CPQ: variants seen among roughly 807,000 people sequenced by gnomAD.
CPQ encodes the protein Ser-Met dipeptidase.
Under a neutral mutation model 45.7 loss-of-function variants are expected in CPQ, and 37 were observed. The ratio of observed to expected loss-of-function variants is 0.81; its 90% CI spans 0.62 to 1.07. The LOEUF (loss-of-function observed/expected upper bound fraction) is 1.07. CPQ is among the 50% of genes least tolerant of loss of function. The pLI is 0.00. For missense variants in CPQ, 537 were observed against 572.9 expected, an observed-to-expected ratio of 0.94 and a Z score of 0.64; for synonymous variants, 186 against 205.8, an observed-to-expected ratio of 0.90 and a Z score of 0.82.
At chr8:96,814,103 G>A (rs1178835362) in intron 2 of CPQ, among the ~76,000 whole-genome samples, 1 of 151,586 alleles carries the variant, frequency 6.6e-6, no homozygotes, top group African/African-American at 2.4e-5. Flanking sequence ...ACGTATTTTG[G>A]GGGGCATTAT....
chr8:96,865,850 A>G (rs1459724391), intron 3 of CPQ, among the ~76,000 whole-genome samples: 3 of 152,070 alleles, frequency 2.0e-5, no homozygotes. Flanking sequence ...TATTCATGAA[A>G]TATTTATTAA....
intron 1 of CPQ, among the ~76,000 whole-genome samples, chr8:96,767,870 CT>C (rs1247671650): frequency 6.6e-6 from 1 of 151,934 alleles, no homozygotes; most frequent in African/African-American, 2.4e-5. Context: ...TCTCGAACCC[CT>C]AACCTCAGAT....
chr8:96,745,272 C>T (rs2130782085), intron 1 of CPQ, among the ~76,000 whole-genome samples: 1 of 152,156 alleles, frequency 6.6e-6, no homozygotes, highest in East Asian at 1.9e-4. Flanking sequence ...CACACCATTG[C>T]ACTCCAGCCT....
rs1563513660 is a variant in CPQ at position 96,854,541 on chromosome 8, A to AC, written c.641+19361_641+19362insC. On this transcript the variant is annotated intron_variant, in intron 3 of 7. Transcript: ENST00000220763. ...GCGAGACTCCGTCTCAAAAAAAAAA[A>AC]AAAAAAAAAAAAAAAAAATGTGGTG... Among the ~76,000 whole-genome samples, 9 of 107,404 alleles carry AC rather than the reference A, an allele frequency of 8.4e-5. 2 individuals are homozygous for AC. Among genetic ancestry groups the AC allele is most frequent in the Non-Finnish European group, 1.2e-4 (6 of 48,928 alleles). 70.5% of individuals were successfully genotyped at this position (107,404 alleles called of 152,430 possible).
intron 7 of CPQ, among the ~76,000 whole-genome samples, chr8:97,088,061 C>T (rs892323426): frequency 6.6e-6 from 1 of 152,080 alleles, no homozygotes; most frequent in African/African-American, 2.4e-5. Context: ...AGAGAATGGG[C>T]TTTTTCACCC....
At chr8:96,701,811 G>A (rs1226120055) in intron 1 of CPQ, among the ~76,000 whole-genome samples, 1 of 152,188 alleles carries the variant, frequency 6.6e-6, no homozygotes, top group African/African-American at 2.4e-5. Flanking sequence ...AGGCCTCAGT[G>A]TCTCTGTTCC....
At chr8:97,042,691 G>A (rs113768147) in intron 6 of CPQ, among the ~76,000 whole-genome samples, 2 of 151,254 alleles carry the variant, frequency 1.3e-5, no homozygotes, top group African/African-American at 4.9e-5. Context: ...TTGTGTCTTT[G>A]TTCTCGTTGG....
At chr8:97,073,431 G>A (rs1810788349) in intron 7 of CPQ, among the ~76,000 whole-genome samples, 1 of 152,156 alleles carries the variant, frequency 6.6e-6, no homozygotes, top group Non-Finnish European at 1.5e-5. Context: ...ATCCCCTGTT[G>A]TCCCTAATTT....
At chr8:97,044,845 T>C (rs1279898205) in intron 6 of CPQ, among the ~76,000 whole-genome samples, 1 of 152,196 alleles carries the variant, frequency 6.6e-6, no homozygotes, top group Non-Finnish European at 1.5e-5. Context: ...TCCTCTGGAA[T>C]TTTTGTCTCA....
rs1315300316 is a variant in CPQ at position 97,043,145 on chromosome 8, G to A, written c.1053+13651G>A. ...TAAGTCTCTTTGTAAGTCACTCAGG[G>A]CTTGCTTTATGAATCTGGGTGCTCC... On this transcript the variant is annotated intron_variant, in intron 6 of 7. Transcript: ENST00000220763. Among the ~76,000 whole-genome samples the A allele has an allele frequency of 5.3e-5, 8 of 152,232 alleles. 1 individual carries two copies. The highest frequency in any genetic ancestry group is 4.2e-4 in the South Asian group (2 of 4,818).
intron 4 of CPQ, among the ~76,000 whole-genome samples, chr8:96,886,216 C>T (rs977758583): frequency 2.0e-5 from 3 of 152,160 alleles, no homozygotes; most frequent in Non-Finnish European, 4.4e-5. Flanking sequence ...TGCATGAGTG[C>T]ACTTCACTGG....
At chr8:97,036,242 G>A (rs964856460) in intron 6 of CPQ, among the ~76,000 whole-genome samples, 3 of 152,142 alleles carry the variant, frequency 2.0e-5, no homozygotes, top group African/African-American at 7.2e-5. Context: ...AGGGGAGGAC[G>A]ATTCCCTCAA....
At chr8:97,036,367 T>A (rs1012456878) in intron 6 of CPQ, among the ~76,000 whole-genome samples, 15 of 152,324 alleles carry the variant, frequency 9.8e-5, no homozygotes, top group Admixed American at 3.9e-4. Context: ...TTACATTTTT[T>A]AAAAATATGA....
chr8:96,777,608 T>C (rs1414038197), intron 1 of CPQ, among the ~76,000 whole-genome samples: 1 of 151,210 alleles, frequency 6.6e-6, no homozygotes, highest in Non-Finnish European at 1.5e-5. Context: ...TAAACAAGTG[T>C]TTTTGGTCAT....
chr8:96,774,351 G>A (rs1430889425), intron 1 of CPQ, among the ~76,000 whole-genome samples: 1 of 152,102 alleles, frequency 6.6e-6, no homozygotes, highest in Non-Finnish European at 1.5e-5. Flanking sequence ...CCATAATACT[G>A]AACAGTAAAT....
At chr8:96,753,394 G>A (rs1810287598) in intron 1 of CPQ, among the ~76,000 whole-genome samples, 1 of 151,976 alleles carries the variant, frequency 6.6e-6, no homozygotes, top group African/African-American at 2.4e-5. Flanking sequence ...CACAATATTT[G>A]CCAAATGCAA....
intron 4 of CPQ, among the ~76,000 whole-genome samples, chr8:96,903,883 C>T (rs1028206418): frequency 3.9e-5 from 6 of 152,158 alleles, no homozygotes; most frequent in African/African-American, 7.2e-5. Context: ...TTATTTGCTC[C>T]GAAAGCAACT....
At chr8:96,849,731 C>A (rs185948230) in intron 3 of CPQ, among the ~76,000 whole-genome samples, 44 of 152,306 alleles carry the variant, frequency 2.9e-4, no homozygotes, top group Non-Finnish European at 5.7e-4. Flanking sequence ...TCACCCTCAT[C>A]CTCCCCACCA....
intron 4 of CPQ, among the ~76,000 whole-genome samples, chr8:96,957,075 G>A (rs1013524627): frequency 7.2e-5 from 11 of 152,160 alleles, no homozygotes; most frequent in Non-Finnish European, 2.9e-5. Context: ...TTCTTTGACT[G>A]TCTTATGTTT....
Sources: gnomAD v4.1 joint callset for allele counts (sites outside exome capture counted in the v4.1 genomes callset) on GRCh38, gnomAD v4.1.1 for gene constraint, MANE v1.5 for transcripts, NCBI Gene and HGNC (gene_info 2026-07-23, HGNC 2026-07-21) for gene names.